The following NOL4L variants were observed in gnomAD, a reference collection of about 807,000 sequenced individuals.
NOL4L encodes nucleolar protein 4 like, also known as nucleolar protein 4-like.
Under a neutral mutation model 64.5 loss-of-function variants are expected in NOL4L, and 7 were observed. The observed-to-expected ratio is 0.11, with a 90% CI of 0.06 to 0.20. The LOEUF is 0.20. Among genes scored for constraint, NOL4L ranks in the 10% least tolerant of loss-of-function variants. The pLI is 1.00. For missense variants in NOL4L, 680 were observed against 967.1 expected (o/e 0.70, Z 3.94); for synonymous variants, 413 against 401.0 (o/e 1.03, Z -0.36).
At position 32,447,691 on chromosome 20, in the gene NOL4L, C is replaced by T. The variant is rs546385167; in HGVS notation, c.1948G>A (p.Ala650Thr). The T allele has an allele frequency of 4.3e-6, 7 of 1,610,354 alleles. No homozygotes were observed. Among genetic ancestry groups the T allele is most frequent in the South Asian group, 1.1e-5 (1 of 90,944 alleles). ...TAGCCCGCGATGAGCTGCCGCACGG[C>T]GCTGATCTCCGTGGGGCTGAGCTGA... ...TAQLSPTEIS[A>T]VRQLIAGYRE... The change falls in exon 11 of 11, where the codon GCC becomes ACC. Residue 650 changes from alanine to threonine, a missense_variant. Transcript: ENST00000621426.
intron 4 of NOL4L, among the ~76,000 whole-genome samples, chr20:32,480,510 C>T (rs554168736): frequency 2.6e-5 from 4 of 152,270 alleles, no homozygotes; most frequent in African/African-American, 4.8e-5. Context: ...TATCCCAAAG[C>T]GGAGTCTCTT....
intron 1 of NOL4L, among the ~76,000 whole-genome samples, chr20:32,546,789 G>A (rs1416747255): frequency 2.0e-5 from 3 of 152,218 alleles, no homozygotes; most frequent in Non-Finnish European, 2.9e-5. Flanking sequence ...GGACACAGGA[G>A]AGAGCATGGG....
chr20:32,520,457 T>C (rs2017886529), intron 3 of NOL4L, among the ~76,000 whole-genome samples: 1 of 151,914 alleles, frequency 6.6e-6, no homozygotes, highest in Non-Finnish European at 1.5e-5. Flanking sequence ...CCCTCGTGCA[T>C]GGAGAAGCAG....
intron 4 of NOL4L, among the ~76,000 whole-genome samples, chr20:32,491,316 C>G (rs1032453725): frequency 2.0e-5 from 3 of 152,132 alleles, no homozygotes; most frequent in Non-Finnish European, 4.4e-5. Context: ...GAGGAGGTGA[C>G]ATTTAAGTTG....
At chr20:32,535,944 G>A in intron 1 of NOL4L, 1 of 985,764 alleles carries the variant, frequency 1.0e-6, no homozygotes, top group Non-Finnish European at 1.2e-6. Context: ...CTGGCCTGGC[G>A]GGGGCAGGGA....
chr20:32,483,793 G>T (rs2015912208), intron 4 of NOL4L, among the ~76,000 whole-genome samples: 1 of 138,628 alleles, frequency 7.2e-6, no homozygotes, highest in Non-Finnish European at 1.6e-5. Flanking sequence ...AGGCACCCAG[G>T]GAGAGGGGAG....
At chr20:32,549,626 T>A (rs1435726019) in intron 1 of NOL4L, among the ~76,000 whole-genome samples, 1 of 152,022 alleles carries the variant, frequency 6.6e-6, no homozygotes, top group Non-Finnish European at 1.5e-5. Context: ...GATTGCCCGC[T>A]ACTGTAATCC....
chr20:32,492,461 G>A (rs563313003), intron 4 of NOL4L, among the ~76,000 whole-genome samples: 1 of 152,216 alleles, frequency 6.6e-6, no homozygotes, highest in African/African-American at 2.4e-5. Flanking sequence ...GGGTGGTGCT[G>A]ATGTTTTGTT....
chr20:32,512,385 C>G (rs1042795143), intron 3 of NOL4L, among the ~76,000 whole-genome samples: 1 of 152,184 alleles, frequency 6.6e-6, no homozygotes, highest in Non-Finnish European at 1.5e-5. Context: ...CCAAAAACAT[C>G]CTCAGGTGCC....
At chr20:32,457,603 G>C (rs548014531) in intron 5 of NOL4L, among the ~76,000 whole-genome samples, 1 of 152,214 alleles carries the variant, frequency 6.6e-6, no homozygotes, top group Non-Finnish European at 1.5e-5. Flanking sequence ...CTGCCCGGGG[G>C]CGGGTCCAGG....
intron 1 of NOL4L, among the ~76,000 whole-genome samples, chr20:32,530,152 C>T (rs1443312120): frequency 6.6e-6 from 1 of 152,218 alleles, no homozygotes; most frequent in Non-Finnish European, 1.5e-5. Context: ...ATTTTTTACT[C>T]AGCAAAGATA....
Position 32,447,594 on chromosome 20 carries a change from G to C in NOL4L, c.*2C>G. Reference sequence around the variant, plus strand: ...GGCAGTGCGCTCCAGGTGCCGGTGGGGTCAGTTCTGCTGTAGGATGAGGTT... The same window carrying C: ...GGCAGTGCGCTCCAGGTGCCGGTGGCGTCAGTTCTGCTGTAGGATGAGGTT... On this transcript the variant is annotated 3_prime_UTR_variant, in exon 11 of 11. Transcript: ENST00000621426. The C allele has an allele frequency of 1.3e-6, 2 of 1,593,014 alleles. No individual in the cohort carries two copies. The highest frequency in any genetic ancestry group is 1.7e-6 in the Non-Finnish European group (2 of 1,174,474).
chr20:32,504,820 C>T (rs991684767), intron 4 of NOL4L, among the ~76,000 whole-genome samples: 1 of 152,024 alleles, frequency 6.6e-6, no homozygotes, highest in Non-Finnish European at 1.5e-5. Context: ...AGGATGGTCT[C>T]GATCTCTTGA....
At chr20:32,546,694 A>G (rs1289749392) in intron 1 of NOL4L, among the ~76,000 whole-genome samples, 1 of 152,166 alleles carries the variant, frequency 6.6e-6, no homozygotes, top group Admixed American at 6.5e-5. Context: ...TCAGCCTCCC[A>G]AAGTGCTGGG....
At chr20:32,461,539 C>T (rs940423896) in intron 5 of NOL4L, among the ~76,000 whole-genome samples, 4 of 150,794 alleles carry the variant, frequency 2.7e-5, no homozygotes, top group East Asian at 4.0e-4. Context: ...TCTCCTGCCT[C>T]GGCTTCCCGA....
chr20:32,454,188 A>C, intron 6 of NOL4L: 1 of 184,744 alleles, frequency 5.4e-6, no homozygotes, highest in Non-Finnish European at 1.2e-5. Context: ...TTCCTCCCTG[A>C]TCCCCAAGGG....
rs897146558 is a variant in NOL4L, at chr20:32,475,157, G to A, written c.700-415C>T. 19 of 985,346 alleles carry A rather than the reference G, an allele frequency of 1.9e-5. No individual in the cohort carries two copies. In the African/African-American group the frequency reaches 3.0e-4, roughly 15 times the overall value. 61.0% of individuals were successfully genotyped at this position (985,346 alleles called of 1,614,324 possible). A position where few individuals can be genotyped will look rare whatever the true frequency, so the allele number is the denominator to read the frequency against. ...AAGAAGCGGGCAGCAGCACATGCCC[G>A]CCACCAGGCACTGAGGCTGAGCTGA... On this transcript the variant is annotated intron_variant, in intron 4 of 10. Coordinates refer to ENST00000621426, the MANE Select transcript of NOL4L (RefSeq NM_001256798.2).
At position 32,452,311 on chromosome 20, in the gene NOL4L, T is replaced by C. The variant is rs922110659; in HGVS notation, c.1747A>G (p.Ser583Gly). 12 of 1,609,044 alleles carry C rather than the reference T, an allele frequency of 7.5e-6. No individual in the cohort carries two copies. The highest frequency in any genetic ancestry group is 2.2e-5 in the South Asian group (2 of 90,336). ...CTCAAGGCCCCGTACCCGCGGTAAC[T>C]GTAGTTGAGGCCGCCGTTGGCGTAC... ...PVYANGGLNY[S>G]YRGYGALSSN... Residue 583 changes from serine to glycine, a missense_variant, in exon 10 of 11, where the codon AGT becomes GGT. Around this residue, in one of 4 missense-constraint regions of NOL4L, gnomAD observed 175 missense variants for 227.0 expected, o/e 0.77. Transcript: ENST00000621426.
chr20:32,570,651 C>T (rs926473444), intron 1 of NOL4L, among the ~76,000 whole-genome samples: 6 of 152,290 alleles, frequency 3.9e-5, no homozygotes, highest in Admixed American at 2.6e-4. Context: ...ACCAGAGGCC[C>T]GTCTCAAGGT....
Sources: allele counts gnomAD v4.1 joint callset (sites outside exome capture counted in the v4.1 genomes callset), GRCh38; gene constraint gnomAD v4.1.1; regional missense constraint gnomAD v4.1.1; transcripts MANE v1.5; gene names NCBI Gene and HGNC (gene_info 2026-07-23, HGNC 2026-07-21).